CAPN1: variants seen among roughly 807,000 people sequenced by gnomAD.
The protein encoded by CAPN1 is calpain 1.
CAPN1 carries 77 observed loss-of-function variants against 105.2 expected under a neutral mutation model. The ratio of observed to expected loss-of-function variants is 0.73; its 90% confidence interval spans 0.61 to 0.88. The LOEUF is 0.88. CAPN1 is among the 40% of genes least tolerant of loss of function. CAPN1 has a pLI of 0.00. For synonymous variants in CAPN1, 355 were observed against 388.8 expected, an observed-to-expected ratio of 0.91 and a Z score of 1.02; for missense variants, 833 against 976.6, an observed-to-expected ratio of 0.85 and a Z score of 1.96.
chr11:65,188,554 G>T lies in CAPN1; in HGVS notation c.1005-32G>T, dbSNP rs779852445. The T allele has an allele frequency of 5.6e-6, 9 of 1,613,646 alleles. No homozygotes were observed. In the African/African-American group the frequency reaches 9.3e-5, roughly 17 times the overall value. On this transcript the variant is annotated intron_variant, in intron 9 of 21. Coordinates refer to ENST00000279247, the MANE Select transcript of CAPN1 (RefSeq NM_005186.4). This position sits in a 1 kb window ranked among gnomAD's most constrained non-coding sequence, Gnocchi z 5.5. ...ACACATCAGCTCTGTGCCCTGACGG[G>T]CTGTGCCTCACCTGTGTACCTCCCA...
rs1948955437 is a variant in CAPN1, at chr11:65,206,264, G to A, written c.1354-199G>A. On this transcript the variant is annotated intron_variant, in intron 12 of 21. Transcript: ENST00000279247. ...GCTCCTCTCCTCTACCCTCTGCAGTGAGTAGGGTTGTTACATTTTACAGAT... is the reference window on the plus strand; with the variant it reads ...GCTCCTCTCCTCTACCCTCTGCAGTAAGTAGGGTTGTTACATTTTACAGAT... The A allele has an allele frequency of 8.3e-6, 5 of 601,020 alleles. No individual in the cohort carries two copies. In the East Asian group the frequency reaches 1.4e-4, roughly 17 times the overall value. 37.2% of individuals were successfully genotyped at this position (601,020 alleles called of 1,614,324 possible). A position where few individuals can be genotyped will look rare whatever the true frequency, so the allele number is the denominator to read the frequency against.
At position 65,211,456 on chromosome 11, in the gene CAPN1, C is replaced by T. The variant is rs768454398; in HGVS notation, c.*170C>T. 46 of 673,646 alleles carry T rather than the reference C, an allele frequency of 6.8e-5. No homozygotes were observed. The highest frequency in any genetic ancestry group is 1.1e-4 in the Non-Finnish European group (43 of 376,746). The allele number at this position is 673,646 out of a possible 1,614,324, so 41.7% of individuals were successfully genotyped here. A position where few individuals can be genotyped will look rare whatever the true frequency, so the allele number is the denominator to read the frequency against. On this transcript the variant is annotated 3_prime_UTR_variant, in exon 22 of 22. Coordinates refer to ENST00000279247, the MANE Select transcript of CAPN1 (RefSeq NM_005186.4). ...CCCAGCCACCATCGTTCATCTGCTC[C>T]GGGCAGAACTGTGTGGCCCCTGCCT... is the stretch of plus-strand genomic sequence containing the variant.
chr11:65,209,533 G>A lies in CAPN1; in HGVS notation c.1794+146G>A. On this transcript the variant is annotated intron_variant, in intron 17 of 21. Coordinates refer to ENST00000279247, the MANE Select transcript of CAPN1 (RefSeq NM_005186.4). The surrounding 1 kb of genome is among the most constrained non-coding windows in gnomAD (Gnocchi z 4.1). ...GTGCCCCATGCTCAGATGTCTCCCT[G>A]GACGTCTTCCTGTTGGTTGGGAGGG... is the stretch of plus-strand genomic sequence containing the variant. 1.4e-6 allele frequency: 1 copy of A among 732,112 alleles called. No homozygotes were observed. The highest frequency in any genetic ancestry group is 2.4e-6 in the Non-Finnish European group (1 of 419,896). The allele number at this position is 732,112 out of a possible 1,614,324, so 45.4% of individuals were successfully genotyped here. A position where few individuals can be genotyped will look rare whatever the true frequency, so the allele number is the denominator to read the frequency against.
In CAPN1 at chr11:65,195,979, G is replaced by A. The variant is rs143897116; in HGVS notation, c.1165+7233G>A. The stretch of plus-strand genomic sequence containing the variant: ...GTGCTTTGTTTCTTTCTAGGAATTT[G>A]TTCTTTTTGTCTATATTATCTAATT... On this transcript the variant is annotated intron_variant, in intron 10 of 21. Transcript: ENST00000279247. Among the ~76,000 whole-genome samples, 146 of 151,966 alleles carry A rather than the reference G, an allele frequency of 9.6e-4. 1 individual carries two copies. The highest frequency in any genetic ancestry group is 1.0e-4 in the Non-Finnish European group (7 of 67,960).
intron 14 of CAPN1, among the ~76,000 whole-genome samples, chr11:65,207,490 G>A (rs924642369): frequency 4.6e-5 from 7 of 151,416 alleles, no homozygotes; most frequent in South Asian, 2.1e-4. Flanking sequence ...GTGAGCCACC[G>A]CACCTGGCCC....
At chr11:65,204,885 C>T (rs1261030191) in intron 11 of CAPN1, 27 bp downstream of exon 11, 4 of 1,581,380 alleles carry the variant, frequency 2.5e-6, no homozygotes, top group Non-Finnish European at 2.6e-6. Flanking sequence ...ACCGGTGGAT[C>T]TCACTGAGCA....
chr11:65,204,497 C>T (rs1948920220), intron 10 of CAPN1, among the ~76,000 whole-genome samples, 186 bp from the exon 11 acceptor site: 1 of 152,214 alleles, frequency 6.6e-6, no homozygotes, highest in African/African-American at 2.4e-5. Context: ...CTCTAGTTTC[C>T]AAATGCAGGC....
intron 10 of CAPN1, among the ~76,000 whole-genome samples, chr11:65,197,671 G>A (rs1328409971): frequency 6.6e-6 from 1 of 152,104 alleles, no homozygotes; most frequent in Non-Finnish European, 1.5e-5. Flanking sequence ...CGGATCACCT[G>A]AGGTCAGGAG....
upstream of CAPN1, chr11:65,181,628 C>T (rs1466951091): frequency 1.3e-5 from 5 of 397,436 alleles, no homozygotes; most frequent in East Asian, 1.2e-4. This position sits in a 1 kb window ranked among gnomAD's most constrained non-coding sequence, Gnocchi z 4.6. Flanking sequence ...CTGCCCGGCC[C>T]TCCCCCTCCG....
Position 65,188,096 on chromosome 11 carries a change from A to G in CAPN1, c.929+56A>G, listed in dbSNP as rs1948663415. ...CTTGGGGAAACTGTTAGGTGCCCCG[A>G]CATTTCTGCTCGGGACTCTACCAGG... On this transcript the variant is annotated intron_variant, in intron 8 of 21. Coordinates refer to ENST00000279247, the MANE Select transcript of CAPN1 (RefSeq NM_005186.4). The surrounding 1 kb of genome is among the most constrained non-coding windows in gnomAD (Gnocchi z 5.5). 1.6e-6 allele frequency: 2 copies of G among 1,244,542 alleles called. No homozygotes were observed. The highest frequency in any genetic ancestry group is 4.8e-5 in the Admixed American group (2 of 41,770). 77.1% of individuals were successfully genotyped at this position (1,244,542 alleles called of 1,614,324 possible).
At chr11:65,195,408 T>G (rs7102307) in intron 10 of CAPN1, among the ~76,000 whole-genome samples, 109,197 of 152,004 alleles carry the variant, frequency 0.72, 40,438 homozygotes, top group Middle Eastern at 0.86. Flanking sequence ...TTACAGGTGT[T>G]AGCCACCGCG....
intron 4 of CAPN1, among the ~76,000 whole-genome samples, chr11:65,184,327 C>T (rs939615105): frequency 1.3e-5 from 2 of 152,162 alleles, no homozygotes; most frequent in Non-Finnish European, 2.9e-5. Context: ...TTTGGCCCAG[C>T]GCCACACCCA....
At chr11:65,186,130 C>T in intron 5 of CAPN1, 40 bp from the exon 6 acceptor site, 1 of 1,608,486 alleles carries the variant, frequency 6.2e-7, no homozygotes, top group Non-Finnish European at 8.5e-7. Flanking sequence ...CTCAGAGGGT[C>T]CTGCTTGATG....
Position 65,187,944 on chromosome 11 carries a change from C to G in CAPN1, c.844-11C>G, listed in dbSNP as rs1948659966. ...CTGGAAGCTAGCACTGACAGGAGCT[C>G]TGGCAAATAGGTGAACTACCGAGGC... On this transcript the variant is annotated splice_polypyrimidine_tract_variant and intron_variant, in intron 7 of 21. Coordinates refer to ENST00000279247, the MANE Select transcript of CAPN1 (RefSeq NM_005186.4). 6.4e-7 allele frequency: 1 copy of G among 1,550,562 alleles called. No homozygotes were observed. The highest frequency in any genetic ancestry group is 1.7e-4 in the Middle Eastern group (1 of 5,962).
upstream of CAPN1, chr11:65,181,771 C>A (rs1274717198): frequency 4.2e-6 from 1 of 238,678 alleles, no homozygotes. This position sits in a 1 kb window ranked among gnomAD's most constrained non-coding sequence, Gnocchi z 4.6. Flanking sequence ...GAGGGAGGGG[C>A]GGGGAGACAC....
chr11:65,204,548 C>A, intron 10 of CAPN1, 135 bp from the exon 11 acceptor site: 1 of 803,950 alleles, frequency 1.2e-6, no homozygotes, highest in Non-Finnish European at 2.0e-6. Flanking sequence ...CTGCCCATCA[C>A]CCTGCATGTT....
upstream of CAPN1, chr11:65,181,464 C>T (rs867936853): frequency 3.7e-3 from 846 of 229,708 alleles, 8 homozygotes; most frequent in African/African-American, 0.018. The surrounding 1 kb of genome is among the most constrained non-coding windows in gnomAD (Gnocchi z 4.6). Context: ...CAGCTGCGGT[C>T]GCGCGGAGCG....
chr11:65,192,135 T>C (rs2137338404), intron 10 of CAPN1, among the ~76,000 whole-genome samples: 1 of 152,170 alleles, frequency 6.6e-6, no homozygotes, highest in Admixed American at 6.5e-5. Context: ...CTCAGGAGGC[T>C]GAGGAGGGAG....
chr11:65,205,602 T>C, intron 11 of CAPN1, 108 bp from the exon 12 acceptor site: 1 of 1,112,130 alleles, frequency 9.0e-7, no homozygotes, highest in South Asian at 1.3e-5. Context: ...TTCTGCCTCC[T>C]TATCCCATCA....
Sources: gnomAD v4.1 joint callset for allele counts (sites outside exome capture counted in the v4.1 genomes callset) on GRCh38, gnomAD v4.1.1 for gene constraint, Gnocchi (gnomAD v3.1) non-coding constraint, MANE v1.5 for transcripts, NCBI Gene and HGNC (gene_info 2026-07-23, HGNC 2026-07-21) for gene names.